The following ZFYVE28 variants were observed in gnomAD, a reference collection of about 807,000 sequenced individuals.
ZFYVE28 encodes the protein lateral signaling target protein 2 homolog.
Under a neutral mutation model 82.1 loss-of-function variants are expected in ZFYVE28, and 40 were observed. The ratio of observed to expected loss-of-function variants is 0.49; its 90% CI spans 0.38 to 0.63. The LOEUF is 0.63. ZFYVE28 is among the 30% of genes least tolerant of loss of function. ZFYVE28 has a pLI of 0.00. For synonymous variants in ZFYVE28, 612 were observed against 546.1 expected (o/e 1.12, Z -1.68); for missense variants, 1,321 against 1,242.1 (o/e 1.06, Z -0.96).
rs1434521765 is a variant in ZFYVE28 at position 2,278,075 on chromosome 4, T to C, written c.2052-3859A>G. On this transcript the variant is annotated intron_variant, in intron 8 of 12. Coordinates refer to ENST00000290974, the MANE Select transcript of ZFYVE28 (RefSeq NM_020972.3). Reference sequence around the variant, plus strand: ...GGTGCCAAGACCAACCAGGAAAGAATAGTCTTTTCAACAAATGCTGCCGGA... The same window carrying C: ...GGTGCCAAGACCAACCAGGAAAGAACAGTCTTTTCAACAAATGCTGCCGGA... Among the ~76,000 whole-genome samples, 3 of 152,160 alleles carry C rather than the reference T, an allele frequency of 2.0e-5. No individual in the cohort carries two copies. In the East Asian group the frequency reaches 5.8e-4, roughly 29 times the overall value.
In ZFYVE28 at chr4:2,270,569, G is replaced by C; in HGVS notation, c.*156C>G. The C allele has an allele frequency of 8.9e-7, 1 of 1,125,758 alleles. No homozygotes were observed. The highest frequency in any genetic ancestry group is 1.5e-5 in the South Asian group (1 of 65,194). 69.7% of individuals were successfully genotyped at this position (1,125,758 alleles called of 1,614,324 possible). A position where few individuals can be genotyped will look rare whatever the true frequency, so the allele number is the denominator to read the frequency against. ...CCGGGGTCCCTGCAGGGAGGCTAGC[G>C]TGGGCAGGACAGAGGCTCTGGATGC... On this transcript the variant is annotated 3_prime_UTR_variant, in exon 13 of 13. Transcript: ENST00000290974.
intron 1 of ZFYVE28, among the ~76,000 whole-genome samples, chr4:2,370,121 T>G (rs1293808157): frequency 6.6e-6 from 1 of 151,986 alleles, no homozygotes; most frequent in Admixed American, 6.6e-5. Flanking sequence ...GTGCTGGGAT[T>G]ACAGGTGTGA....
At chr4:2,319,411 C>T (rs965640682) in intron 7 of ZFYVE28, among the ~76,000 whole-genome samples, 4 of 152,216 alleles carry the variant, frequency 2.6e-5, no homozygotes, top group Non-Finnish European at 4.4e-5. Context: ...ACGAGGACCC[C>T]ATAGCCCACG....
chr4:2,276,899 G>A (rs1736509933), intron 8 of ZFYVE28, among the ~76,000 whole-genome samples: 1 of 152,220 alleles, frequency 6.6e-6, no homozygotes, highest in East Asian at 1.9e-4. Context: ...ACAGTTGCAC[G>A]GCACTGAGTG....
intron 8 of ZFYVE28, among the ~76,000 whole-genome samples, chr4:2,294,458 A>G (rs139978644): frequency 6.6e-6 from 1 of 152,354 alleles, no homozygotes; most frequent in East Asian, 1.9e-4. Context: ...GGAATACTGT[A>G]TAGATCTAAA....
chr4:2,296,998 C>G (rs951246306), intron 8 of ZFYVE28, among the ~76,000 whole-genome samples: 1 of 152,228 alleles, frequency 6.6e-6, no homozygotes, highest in Non-Finnish European at 1.5e-5. Context: ...TTCCGGGCCA[C>G]CGAGGCCACA....
intron 2 of ZFYVE28, among the ~76,000 whole-genome samples, chr4:2,350,654 G>C (rs913375384): frequency 1.8e-4 from 28 of 152,298 alleles, no homozygotes; most frequent in Non-Finnish European, 3.5e-4. Context: ...GCATGTTAGA[G>C]GGTTGGGACT....
chr4:2,293,363 A>G (rs977737896), intron 8 of ZFYVE28, among the ~76,000 whole-genome samples: 6 of 151,954 alleles, frequency 3.9e-5, no homozygotes, highest in Non-Finnish European at 7.3e-5. Flanking sequence ...TTTTCTTCTC[A>G]GATGACAAGA....
intron 1 of ZFYVE28, among the ~76,000 whole-genome samples, chr4:2,410,117 C>A (rs533849402): frequency 8.5e-5 from 13 of 152,248 alleles, no homozygotes; most frequent in African/African-American, 2.6e-4. Flanking sequence ...GAGGTGAAAT[C>A]CACACAACAT....
chr4:2,277,313 C>G (rs1456615259), intron 8 of ZFYVE28, among the ~76,000 whole-genome samples: 1 of 152,126 alleles, frequency 6.6e-6, no homozygotes, highest in Non-Finnish European at 1.5e-5. Flanking sequence ...AACCCCGTCT[C>G]TAATAAAATA....
intron 1 of ZFYVE28, among the ~76,000 whole-genome samples, chr4:2,375,849 T>C (rs10021863): frequency 0.67 from 101,457 of 151,876 alleles, 34,226 homozygotes; most frequent in East Asian, 0.8. Context: ...ATATTGATTA[T>C]ATGTTAAAAC....
At position 2,304,292 on chromosome 4, in the gene ZFYVE28, G is replaced by C. The variant is rs982123438; in HGVS notation, c.2048C>G (p.Ser683Cys). 1 of 1,569,568 alleles carries C rather than the reference G, an allele frequency of 6.4e-7. No individual in the cohort carries two copies. Residue 683 changes from serine to cysteine, a missense_variant, in exon 8 of 13, where the codon TCC becomes TGC. Ser to Cys is a moderately radical substitution (Grantham distance 112). Around this residue, in one of 2 missense-constraint regions of ZFYVE28, gnomAD observed 978 missense variants for 833.7 expected, o/e 1.17. Transcript: ENST00000290974. ...TCTGGGCCAGACTGGCTCTTACCTGGAGCCCGACAGGGCCTGAGGCGCCTC... is the reference window on the plus strand; with the variant it reads ...TCTGGGCCAGACTGGCTCTTACCTGCAGCCCGACAGGGCCTGAGGCGCCTC... Reference protein sequence around the residue: ...AHEAPQALSGSSSSTAGSCSS... With the variant: ...AHEAPQALSGCSSSTAGSCSS...
intron 1 of ZFYVE28, among the ~76,000 whole-genome samples, chr4:2,365,422 A>G (rs1043856180): frequency 6.6e-6 from 1 of 152,072 alleles, no homozygotes; most frequent in African/African-American, 2.4e-5. Context: ...CAGGGTAATA[A>G]GGGTAACAAC....
At chr4:2,363,303 A>T (rs1287289854) in intron 1 of ZFYVE28, among the ~76,000 whole-genome samples, 1 of 152,152 alleles carries the variant, frequency 6.6e-6, no homozygotes, top group Non-Finnish European at 1.5e-5. Context: ...GCTTGCTGGT[A>T]GAACGTGCTG....
intron 1 of ZFYVE28, among the ~76,000 whole-genome samples, chr4:2,402,513 G>A (rs1019202808): frequency 6.6e-6 from 1 of 152,188 alleles, no homozygotes; most frequent in Non-Finnish European, 1.5e-5. Flanking sequence ...CTCAAGCCAG[G>A]ACTGCATGTG....
Position 2,304,985 on chromosome 4 carries a change from G to C in ZFYVE28, c.1355C>G (p.Ser452Trp), listed in dbSNP as rs377628449. The C allele has an allele frequency of 2.5e-6, 4 of 1,612,576 alleles. No individual in the cohort carries two copies. Among genetic ancestry groups the C allele is most frequent in the South Asian group, 1.1e-5 (1 of 91,088 alleles). ...GTTGCTCAAGTCCTCCTCCTTTTCC[G>C]AGGCGGGCAAGCTGATCCCCGCCGC... ...GGAAGISLPA[S>W]EKEEDLSNNN... The change falls in exon 8 of 13, where the codon TCG becomes TGG. Residue 452 changes from serine to tryptophan, a missense_variant. By Grantham distance (177) the Ser-to-Trp change is radical (BLOSUM62 -3). Coordinates refer to ENST00000290974, the MANE Select transcript of ZFYVE28 (RefSeq NM_020972.3).
At chr4:2,414,408 C>A (rs538980566) in intron 1 of ZFYVE28, among the ~76,000 whole-genome samples, 1 of 152,388 alleles carries the variant, frequency 6.6e-6, no homozygotes, top group Middle Eastern at 3.4e-3. Flanking sequence ...TAATCTGGGC[C>A]TGGAATGTTT....
chr4:2,286,476 A>G (rs1208900756), intron 8 of ZFYVE28: 3 of 152,330 alleles, frequency 2.0e-5, no homozygotes, highest in African/African-American at 7.2e-5. Context: ...GCGATGAAAT[A>G]AACGTCAGCC....
chr4:2,288,441 A>G (rs1163934346), intron 8 of ZFYVE28, among the ~76,000 whole-genome samples: 3 of 152,220 alleles, frequency 2.0e-5, no homozygotes, highest in Non-Finnish European at 4.4e-5. Flanking sequence ...TGCTGGGGCC[A>G]CAGTGGAGCA....
Sources: gnomAD v4.1 joint callset for allele counts (sites outside exome capture counted in the v4.1 genomes callset) on GRCh38, gnomAD v4.1.1 for gene constraint, gnomAD v4.1.1 regional missense constraint, MANE v1.5 for transcripts, NCBI Gene and HGNC (gene_info 2026-07-23, HGNC 2026-07-21) for gene names.